The following ODF2 variants were observed in gnomAD, a reference collection of about 807,000 sequenced individuals.
ODF2 encodes outer dense fiber protein 2.
Under a neutral mutation model 110.2 loss-of-function variants are expected in ODF2, and 47 were observed. The ratio of observed to expected loss-of-function variants is 0.43; its 90% confidence interval spans 0.34 to 0.54. ODF2 has a LOEUF of 0.54. Ranked by LOEUF, ODF2 falls within the 20% of genes least tolerant of loss-of-function variation. The pLI, the probability that ODF2 is intolerant of heterozygous loss-of-function variation, is 0.03. For synonymous variants in ODF2, 352 were observed against 397.7 expected (o/e 0.89, Z 1.37); for missense variants, 812 against 1,054.5 (o/e 0.77, Z 3.19).
intron 4 of ODF2, among the ~76,000 whole-genome samples, chr9:128,463,617 T>C (rs1837071293): frequency 6.6e-6 from 1 of 152,190 alleles, no homozygotes; most frequent in Non-Finnish European, 1.5e-5. Context: ...GACAGATATT[T>C]ATGCATGATA....
chr9:128,488,751 C>T (rs757880088), intron 14 of ODF2, among the ~76,000 whole-genome samples: 25 of 152,164 alleles, frequency 1.6e-4, no homozygotes, highest in Admixed American at 6.5e-4. Context: ...CGTCTGTAAT[C>T]CCAGCACTTT....
At chr9:128,456,461 G>T (rs1191158454) in intron 1 of ODF2, 2 of 1,517,432 alleles carry the variant, frequency 1.3e-6, no homozygotes, top group African/African-American at 2.8e-5. Context: ...CTAACGGGCG[G>T]TCGGCCGCCT....
At chr9:128,493,533 C>T (rs747326555) in intron 16 of ODF2, among the ~76,000 whole-genome samples, 1 of 152,162 alleles carries the variant, frequency 6.6e-6, no homozygotes, top group Admixed American at 6.5e-5. Flanking sequence ...GTCTCCCATC[C>T]TCTTCCCAAA....
At chr9:128,459,621 G>T (rs1317955196) in exon 3 of ODF2, 1 of 1,614,068 alleles carries the variant, frequency 6.2e-7, no homozygotes, top group Non-Finnish European at 8.5e-7. Flanking sequence ...AAAAGGTCTT[G>T]AGAGCACCTT....
chr9:128,462,057 A>T (rs1156380543), intron 4 of ODF2, among the ~76,000 whole-genome samples: 1 of 152,214 alleles, frequency 6.6e-6, no homozygotes, highest in Admixed American at 6.5e-5. Flanking sequence ...TTTTTTTAAA[A>T]CAAAAACAAT....
intron 1 of ODF2, chr9:128,456,853 G>A: frequency 7.7e-7 from 1 of 1,306,552 alleles, no homozygotes; most frequent in Non-Finnish European, 9.7e-7. Flanking sequence ...CGGGGCCCGT[G>A]CAACCTCCGC....
chr9:128,482,719 G>A, intron 9 of ODF2, 97 bp from the exon 10 acceptor site: 2 of 839,052 alleles, frequency 2.4e-6, no homozygotes, highest in Admixed American at 2.5e-5. Context: ...GTAGGACCTT[G>A]GGCCCCAGTG....
At chr9:128,483,455 C>T (rs1842798639) in intron 10 of ODF2, among the ~76,000 whole-genome samples, 1 of 151,816 alleles carries the variant, frequency 6.6e-6, no homozygotes, top group African/African-American at 2.4e-5. Context: ...TGGTGGCATG[C>T]ACCTGTAGTT....
chr9:128,484,142 A>C (rs1842941973), intron 11 of ODF2, 88 bp downstream of exon 11: 4 of 936,418 alleles, frequency 4.3e-6, no homozygotes, highest in Non-Finnish European at 6.8e-6. Context: ...CACACTCAGG[A>C]AGTGTGCCTC....
At chr9:128,465,464 C>T (rs1007217832) in intron 4 of ODF2, among the ~76,000 whole-genome samples, 27 of 152,112 alleles carry the variant, frequency 1.8e-4, no homozygotes, top group African/African-American at 4.6e-4. Flanking sequence ...AGTGATCAGC[C>T]GGGCGCGGTG....
intron 5 of ODF2, among the ~76,000 whole-genome samples, chr9:128,470,044 T>TATATATATATAA (rs1564476177): frequency 2.8e-4 from 18 of 64,800 alleles, no homozygotes; most frequent in African/African-American, 1.0e-3. Flanking sequence ...TATATATATA[T>TATATATATATAA]ATAAATAAAA....
At position 128,471,440 on chromosome 9, in the gene ODF2, C is replaced by T. The variant is rs770371999; in HGVS notation, c.553C>T (p.Arg185Cys). ...CACGGTGTTGAGGCACAACATCGAG[C>T]GCATGAAGGAGGAGAAGGACTTCAC... Residue 185 changes from arginine to cysteine, a missense_variant, in exon 6 of 21, where the codon CGC becomes TGC. Arg to Cys is a radical substitution (Grantham distance 180, BLOSUM62 -3). Around this residue, in one of 5 missense-constraint regions of ODF2, gnomAD observed 219 missense variants for 321.3 expected, o/e 0.68. Transcript: ENST00000604420. 8 of 1,613,310 alleles carry T rather than the reference C, an allele frequency of 5.0e-6. No individual in the cohort carries two copies. The Admixed American group carries it at 5.0e-5, about 10-fold the overall frequency.
chr9:128,499,968 C>T, intron 20 of ODF2, 99 bp from the exon 21 acceptor site: 1 of 1,353,188 alleles, frequency 7.4e-7, no homozygotes, highest in Non-Finnish European at 1.0e-6. Flanking sequence ...CACTCGCCTC[C>T]CCAAACCTCC....
chr9:128,457,025 C>G, intron 1 of ODF2: 1 of 1,279,030 alleles, frequency 7.8e-7, no homozygotes, highest in South Asian at 1.5e-5. Flanking sequence ...TTCTCACCCG[C>G]CCTCTCCGCA....
intron 1 of ODF2, chr9:128,456,537 TTC>T (rs980882211): frequency 6.5e-7 from 1 of 1,526,822 alleles, no homozygotes; most frequent in Non-Finnish European, 8.8e-7. Flanking sequence ...GGCTTCACCT[TTC>T]TCTCTATGGG....
chr9:128,476,581 C>A (rs1415778892), intron 8 of ODF2, among the ~76,000 whole-genome samples: 1 of 151,980 alleles, frequency 6.6e-6, no homozygotes, highest in Non-Finnish European at 1.5e-5. Context: ...AGCCACCACA[C>A]CAAGCCCTGT....
intron 18 of ODF2, among the ~76,000 whole-genome samples, chr9:128,497,148 C>G (rs1327096151): frequency 4.6e-5 from 7 of 151,850 alleles, no homozygotes; most frequent in African/African-American, 1.7e-4. Flanking sequence ...TATTAGTTAG[C>G]TGGTATTATC....
rs142512906 is a variant in ODF2 at position 128,488,821 on chromosome 9, T to C, written c.1536+796T>C. ...GAGTTCAAGACCAGCCTGGCCAACA[T>C]AGCGAAACCCTGTCTGTACTAAAAA... On this transcript the variant is annotated intron_variant, in intron 14 of 20. Transcript: ENST00000604420. 4.1e-3 allele frequency among the ~76,000 whole-genome samples: 621 copies of C among 152,142 alleles called. 8 individuals are homozygous for C. Among genetic ancestry groups the C allele is most frequent in the African/African-American group, 0.015 (603 of 41,500 alleles).
chr9:128,488,109 C>T (rs1366010557), intron 14 of ODF2, 84 bp downstream of exon 14: 5 of 1,492,852 alleles, frequency 3.3e-6, no homozygotes, highest in Non-Finnish European at 4.6e-6. Context: ...GGCCTGGGGG[C>T]ATCTTGACTA....
Sources: allele counts gnomAD v4.1 joint callset (sites outside exome capture counted in the v4.1 genomes callset), GRCh38; gene constraint gnomAD v4.1.1; regional missense constraint gnomAD v4.1.1; transcripts MANE v1.5; gene names NCBI Gene and HGNC (gene_info 2026-07-23, HGNC 2026-07-21).